The following TMEM62 variants were observed in gnomAD, a reference collection of about 807,000 sequenced individuals.
TMEM62 encodes the protein transmembrane protein 62.
TMEM62 carries 41 observed loss-of-function variants against 70.4 expected under a neutral mutation model. That is an observed-to-expected ratio of 0.58 (90% CI 0.45 to 0.76). The LOEUF is 0.76. Ranked by LOEUF, TMEM62 falls within the 30% of genes least tolerant of loss-of-function variation. TMEM62 has a pLI of 0.00. For missense variants in TMEM62, 688 were observed against 788.5 expected (o/e 0.87, Z 1.53); for synonymous variants, 268 against 291.0 (o/e 0.92, Z 0.80).
chr15:43,158,616 A>G (rs941140581), intron 9 of TMEM62, among the ~76,000 whole-genome samples: 1 of 152,204 alleles, frequency 6.6e-6, no homozygotes, highest in Non-Finnish European at 1.5e-5. Flanking sequence ...ATTTTTTATT[A>G]GAGTTATAAA....
intron 11 of TMEM62, among the ~76,000 whole-genome samples, chr15:43,177,621 A>G (rs2040889287): frequency 6.6e-6 from 1 of 152,140 alleles, no homozygotes; most frequent in Non-Finnish European, 1.5e-5. Context: ...ACAACGATAG[A>G]CTGGATTAAG....
At chr15:43,169,019 AC>A (rs1031424914) in intron 10 of TMEM62, 5 of 152,548 alleles carry the variant, frequency 3.3e-5, no homozygotes, top group African/African-American at 1.2e-4. Flanking sequence ...GCAAAGTCTC[AC>A]AGTCATTTTG....
At position 43,184,512 on chromosome 15, in the gene TMEM62, C is replaced by T. The variant is rs2041712317; in HGVS notation, c.1858C>T (p.Arg620Cys). The T allele has an allele frequency of 1.9e-6, 3 of 1,613,576 alleles. No homozygotes were observed. Among genetic ancestry groups the T allele is most frequent in the Admixed American group, 3.3e-5 (2 of 60,010 alleles). ...GACACTGCTGACACCTGTTCTCATT[C>T]GTTATGTGTGGACACTGAACTCCAC... Reference protein sequence around the residue: ...WLTLLTPVLIRYVWTLNSTKF... With the variant: ...WLTLLTPVLICYVWTLNSTKF... The change falls in exon 14 of 14, where the codon CGT (arginine) becomes TGT (cysteine). Residue 620 changes from arginine to cysteine, a missense_variant. Transcript: ENST00000260403.
chr15:43,135,104 A>C (rs1180245392), intron 2 of TMEM62, among the ~76,000 whole-genome samples: 1 of 152,242 alleles, frequency 6.6e-6, no homozygotes, highest in African/African-American at 2.4e-5. Flanking sequence ...TGTAAAAATA[A>C]TACTTGGTCA....
intron 4 of TMEM62, among the ~76,000 whole-genome samples, 175 bp downstream of exon 4, chr15:43,138,794 C>T (rs2035599012): frequency 6.6e-6 from 1 of 152,172 alleles, no homozygotes; most frequent in African/African-American, 2.4e-5. Context: ...CCTCAGACTC[C>T]TGTGTAGCTG....
chr15:43,183,978 A>G, intron 13 of TMEM62: 1 of 436,590 alleles, frequency 2.3e-6, no homozygotes, highest in Non-Finnish European at 4.1e-6. Flanking sequence ...GTTCAATTCC[A>G]GCTTAACACC....
chr15:43,154,642 C>G (rs766140725), intron 8 of TMEM62, 30 bp from the exon 9 acceptor site: 11 of 1,574,890 alleles, frequency 7.0e-6, no homozygotes, highest in Non-Finnish European at 9.5e-6. Context: ...AAACCTCAAA[C>G]CATGTGTTTT....
intron 3 of TMEM62, among the ~76,000 whole-genome samples, chr15:43,138,206 G>C (rs2035501909): frequency 6.6e-6 from 1 of 152,172 alleles, no homozygotes; most frequent in Non-Finnish European, 1.5e-5. Flanking sequence ...AGCCATACTG[G>C]TTCTAGGAGA....
At chr15:43,170,499 G>T (rs187782515) in intron 11 of TMEM62, among the ~76,000 whole-genome samples, 38 of 152,186 alleles carry the variant, frequency 2.5e-4, no homozygotes, top group Admixed American at 1.0e-3. Flanking sequence ...ACAATTAAAA[G>T]ACTTCATAAA....
chr15:43,153,522 A>G (rs1481019307), intron 8 of TMEM62, among the ~76,000 whole-genome samples: 1 of 152,256 alleles, frequency 6.6e-6, no homozygotes, highest in Non-Finnish European at 1.5e-5. Context: ...TAACTCATAT[A>G]AGTGGAACCA....
At position 43,139,969 on chromosome 15, in the gene TMEM62, C is replaced by T. The variant is rs147955007; in HGVS notation, c.476+1350C>T. Among the ~76,000 whole-genome samples, 253 of 152,310 alleles carry T rather than the reference C, an allele frequency of 1.7e-3. 1 individual carries two copies. Among genetic ancestry groups the T allele is most frequent in the African/African-American group, 5.7e-3 (236 of 41,562 alleles). On this transcript the variant is annotated intron_variant, in intron 4 of 13. Coordinates refer to ENST00000260403, the MANE Select transcript of TMEM62 (RefSeq NM_024956.4). ...AGATTTTCCATGTAAATGAAACAGC[C>T]TTCTTTTGGAAGAAGATGCCATCTA...
chr15:43,184,210 C>G, intron 13 of TMEM62, 50 bp from the exon 14 acceptor site: 1 of 1,522,874 alleles, frequency 6.6e-7, no homozygotes, highest in Non-Finnish European at 8.9e-7. Flanking sequence ...TTATTAAGAC[C>G]AAACTCTTCC....
chr15:43,138,460 G>A, intron 3 of TMEM62, 114 bp from the exon 4 acceptor site: 2 of 811,904 alleles, frequency 2.5e-6, no homozygotes, highest in Non-Finnish European at 3.9e-6. Flanking sequence ...CCCTGGGGGT[G>A]TGTGTGGAAG....
intron 9 of TMEM62, among the ~76,000 whole-genome samples, chr15:43,157,560 T>A (rs2038190672): frequency 6.6e-6 from 1 of 152,078 alleles, no homozygotes; most frequent in Non-Finnish European, 1.5e-5. Context: ...AATGGGAAAA[T>A]TTTAAATATA....
intron 3 of TMEM62, 23 bp from the exon 4 acceptor site, chr15:43,138,551 C>CTT (rs376908713): frequency 3.4e-4 from 443 of 1,315,474 alleles, no homozygotes; most frequent in African/African-American, 7.7e-4. Flanking sequence ...TGAATGTTTG[C>CTT]TTTTTTTTTT....
At chr15:43,178,772 A>C in intron 12 of TMEM62, 61 bp downstream of exon 12, 1 of 979,834 alleles carries the variant, frequency 1.0e-6, no homozygotes, top group Non-Finnish European at 1.6e-6. Context: ...CAATTTTGAC[A>C]ATAGAATTAG....
chr15:43,154,049 A>C (rs2037739140), intron 8 of TMEM62, among the ~76,000 whole-genome samples: 1 of 152,204 alleles, frequency 6.6e-6, no homozygotes, highest in African/African-American at 2.4e-5. Context: ...CAATACTCTT[A>C]TTATTATTGG....
At chr15:43,173,195 C>A (rs2040387305) in intron 11 of TMEM62, among the ~76,000 whole-genome samples, 1 of 152,084 alleles carries the variant, frequency 6.6e-6, no homozygotes, top group African/African-American at 2.4e-5. Flanking sequence ...GACTCCATCT[C>A]AAAAAAACAA....
Position 43,169,661 on chromosome 15 carries a change from A to C in TMEM62, c.1365A>C (p.Gly455=). The change falls in exon 11 of 14, where the codon GGA becomes GGC. Residue 455 remains glycine (G), a synonymous_variant. Transcript: ENST00000260403. ...LTILIIFRYR[G]YPELKEPSGF... ...TTCTCATTATTTTTAGATATCGAGG[A>C]TACCCAGAGCTTAAAGGTTAGTTAT... 1 of 1,614,082 alleles carries C rather than the reference A, an allele frequency of 6.2e-7. No individual in the cohort carries two copies. Among genetic ancestry groups the C allele is most frequent in the Non-Finnish European group, 8.5e-7 (1 of 1,179,962 alleles).
Sources: gnomAD v4.1 joint callset for allele counts (sites outside exome capture counted in the v4.1 genomes callset) on GRCh38, gnomAD v4.1.1 for gene constraint, MANE v1.5 for transcripts, NCBI Gene and HGNC (gene_info 2026-07-23, HGNC 2026-07-21) for gene names.